TRPS1: variants seen among roughly 807,000 people sequenced by gnomAD.
The protein encoded by TRPS1 is transcriptional repressor GATA binding 1.
TRPS1 carries 6 observed loss-of-function variants against 101.2 expected under a neutral mutation model. That is an observed-to-expected ratio of 0.06 (90% CI 0.03 to 0.12). TRPS1 has a LOEUF of 0.12. TRPS1 is among the 10% of genes least tolerant of loss of function. The pLI is 1.00. For synonymous variants in TRPS1, 578 were observed against 589.8 expected (o/e 0.98, Z 0.29); for missense variants, 1,363 against 1,567.0 (o/e 0.87, Z 2.20).
chr8:115,582,504 A>G (rs1817474180), intron 5 of TRPS1, among the ~76,000 whole-genome samples: 1 of 152,178 alleles, frequency 6.6e-6, no homozygotes, highest in Non-Finnish European at 1.5e-5. Context: ...AAATAATCAG[A>G]CTATTTCCAC....
Position 115,604,249 on chromosome 8 carries a change from T to C in TRPS1, c.1720A>G (p.Ile574Val), listed in dbSNP as rs1333952590. 1.2e-6 allele frequency: 2 copies of C among 1,614,130 alleles called. No individual in the cohort carries two copies. The highest frequency in any genetic ancestry group is 1.7e-6 in the Non-Finnish European group (2 of 1,180,014). ...CTGGGACAGAATGGACAGTGTTTAA[T>C]GGTACACTTGTGAATGTTATGGAGC... ...QQLHNIHKCT[I>V]KHCPFCPRGL... is the part of the protein sequence containing the mutation. Residue 574 changes from isoleucine (I) to valine (V), a missense_variant, in exon 4 of 7, where the codon ATT becomes GTT. Transcript: ENST00000395715. The surrounding 1 kb of genome is among the most constrained non-coding windows in gnomAD (Gnocchi z 4.1).
At chr8:115,520,628 T>C (rs1407704426) in intron 5 of TRPS1, among the ~76,000 whole-genome samples, 1 of 151,856 alleles carries the variant, frequency 6.6e-6, no homozygotes, top group African/African-American at 2.4e-5. Context: ...GTTCTTTTAA[T>C]ATACACTAGG....
At chr8:115,449,459 T>G (rs2129919463) in intron 5 of TRPS1, among the ~76,000 whole-genome samples, 1 of 152,332 alleles carries the variant, frequency 6.6e-6, no homozygotes, top group African/African-American at 2.4e-5. Flanking sequence ...CAATATTTAC[T>G]AAGCATGGCA....
At chr8:115,435,231 TAGA>T (rs1199421503) in intron 5 of TRPS1, among the ~76,000 whole-genome samples, 1 of 152,216 alleles carries the variant, frequency 6.6e-6, no homozygotes, top group Non-Finnish European at 1.5e-5. Context: ...CTCACAGTAA[TAGA>T]AGATCTACTT....
chr8:115,499,915 ATTTCTTTCTTTCTTTC>A (rs373053040), intron 5 of TRPS1, among the ~76,000 whole-genome samples: 187 of 134,868 alleles, frequency 1.4e-3, no homozygotes, highest in Non-Finnish European at 2.0e-3. Flanking sequence ...AAAGTGCTAA[ATTTCTTTCTTTCTTTC>A]TTTCTTTCTT....
chr8:115,454,779 A>G (rs1333034401), intron 5 of TRPS1, among the ~76,000 whole-genome samples: 2 of 152,188 alleles, frequency 1.3e-5, no homozygotes, highest in Admixed American at 1.3e-4. Flanking sequence ...AAAAATTGTT[A>G]CAATGCATGA....
At chr8:115,416,593 A>T (rs1289921138) in intron 6 of TRPS1, among the ~76,000 whole-genome samples, 5 of 149,454 alleles carry the variant, frequency 3.3e-5, no homozygotes, top group South Asian at 2.1e-4. Flanking sequence ...ATATAAATTT[A>T]AAAAAACATA....
intron 5 of TRPS1, among the ~76,000 whole-genome samples, chr8:115,429,403 G>C (rs1813265282): frequency 1.3e-5 from 2 of 152,278 alleles, no homozygotes; most frequent in Middle Eastern, 3.4e-3. Context: ...AGTACCACCA[G>C]ATTAGCTCAA....
At chr8:115,622,104 C>A (rs944937243) in intron 2 of TRPS1, among the ~76,000 whole-genome samples, 10 of 152,098 alleles carry the variant, frequency 6.6e-5, no homozygotes, top group African/African-American at 2.4e-4. Flanking sequence ...ACCTGACTGA[C>A]TTCTGGAGGA....
chr8:115,668,121 G>C, intron 1 of TRPS1: 1 of 597,778 alleles, frequency 1.7e-6, no homozygotes, highest in African/African-American at 1.9e-5. Context: ...CTCCCCGGCG[G>C]CTGAACTTGA....
intron 5 of TRPS1, among the ~76,000 whole-genome samples, chr8:115,473,396 A>G (rs1027815966): frequency 2.6e-5 from 4 of 152,144 alleles, no homozygotes; most frequent in African/African-American, 9.7e-5. Flanking sequence ...CATGAGGGTA[A>G]CCACTCCTAT....
intron 5 of TRPS1, among the ~76,000 whole-genome samples, chr8:115,527,516 GA>G (rs141148066): frequency 0.036 from 5,503 of 151,774 alleles, 374 homozygotes; most frequent in African/African-American, 0.13. Context: ...AAAAAAAGTT[GA>G]AAAAAATTCA....
intron 2 of TRPS1, among the ~76,000 whole-genome samples, chr8:115,621,338 A>T (rs1818388096): frequency 6.6e-6 from 1 of 152,222 alleles, no homozygotes; most frequent in Admixed American, 6.5e-5. Flanking sequence ...TGACTTCGCC[A>T]TAAGGACTAA....
At chr8:115,535,781 C>CATAT (rs371245255) in intron 5 of TRPS1, among the ~76,000 whole-genome samples, 16 of 149,358 alleles carry the variant, frequency 1.1e-4, no homozygotes, top group Admixed American at 3.3e-4. Flanking sequence ...ATGAGACTGT[C>CATAT]ATATATATAT....
At chr8:115,452,575 C>A (rs2129933441) in intron 5 of TRPS1, among the ~76,000 whole-genome samples, 1 of 152,318 alleles carries the variant, frequency 6.6e-6, no homozygotes, top group African/African-American at 2.4e-5. Context: ...TGGCATCTTT[C>A]TCTTTGATGT....
At chr8:115,452,243 G>A (rs1813893704) in intron 5 of TRPS1, among the ~76,000 whole-genome samples, 1 of 152,112 alleles carries the variant, frequency 6.6e-6, no homozygotes, top group South Asian at 2.1e-4. Flanking sequence ...CAGAAGACAG[G>A]AAATACTAGA....
At chr8:115,572,963 G>A (rs1275235213) in intron 5 of TRPS1, among the ~76,000 whole-genome samples, 1 of 151,806 alleles carries the variant, frequency 6.6e-6, no homozygotes, top group Admixed American at 6.6e-5. Context: ...GAGAAACCCC[G>A]TCTCTACTAA....
intron 1 of TRPS1, among the ~76,000 whole-genome samples, chr8:115,627,622 T>C (rs953793259): frequency 2.6e-5 from 4 of 151,876 alleles, no homozygotes; most frequent in Admixed American, 6.6e-5. Context: ...AGTGCTGTGC[T>C]TTGTAGGAAT....
chr8:115,596,570 GGATA>G (rs923669911), intron 4 of TRPS1, among the ~76,000 whole-genome samples: 12 of 151,756 alleles, frequency 7.9e-5, no homozygotes, highest in African/African-American at 2.9e-4. Context: ...GATTCTATAT[GGATA>G]GATATAGATA....
Sources: allele counts gnomAD v4.1 joint callset (sites outside exome capture counted in the v4.1 genomes callset), GRCh38; gene constraint gnomAD v4.1.1; non-coding constraint Gnocchi (gnomAD v3.1); transcripts MANE v1.5; gene names NCBI Gene and HGNC (gene_info 2026-07-23, HGNC 2026-07-21).